DLGAP2: variants seen among roughly 807,000 people sequenced by gnomAD.
DLGAP2 encodes disks large-associated protein 2.
Under a neutral mutation model 100.3 loss-of-function variants are expected in DLGAP2, and 26 were observed. The ratio of observed to expected loss-of-function variants is 0.26; its 90% CI spans 0.19 to 0.36. The LOEUF (loss-of-function observed/expected upper bound fraction) is 0.36. DLGAP2 is among the 10% of genes least tolerant of loss of function. DLGAP2 has a pLI of 1.00. For synonymous variants in DLGAP2, 886 were observed against 630.1 expected, an observed-to-expected ratio of 1.41 and a Z score of -6.08; for missense variants, 1,858 against 1,453.2, an observed-to-expected ratio of 1.28 and a Z score of -4.53.
chr8:1,551,562 C>A (rs1801766730), intron 5 of DLGAP2, among the ~76,000 whole-genome samples: 1 of 152,212 alleles, frequency 6.6e-6, no homozygotes, highest in Non-Finnish European at 1.5e-5. Flanking sequence ...TCTCTGCCTC[C>A]AACAGCTATT....
chr8:1,660,998 G>A (rs1211856900), intron 8 of DLGAP2, among the ~76,000 whole-genome samples: 2 of 152,178 alleles, frequency 1.3e-5, no homozygotes, highest in African/African-American at 2.4e-5. Context: ...TCCTGTCTAC[G>A]AGACAGGGAG....
At chr8:814,707 G>C (rs12675064) in intron 1 of DLGAP2, among the ~76,000 whole-genome samples, 1 of 151,458 alleles carries the variant, frequency 6.6e-6, no homozygotes, top group Non-Finnish European at 1.5e-5. Context: ...AAAAAAATTA[G>C]CTGGGCGTGG....
intron 3 of DLGAP2, among the ~76,000 whole-genome samples, chr8:1,337,250 ATGATGG>A: frequency 8.6e-6 from 1 of 116,370 alleles, no homozygotes; most frequent in African/African-American, 3.8e-5. Context: ...AATGATGGTG[ATGATGG>A]TGGTGATGAT....
intron 1 of DLGAP2, among the ~76,000 whole-genome samples, chr8:901,729 G>A (rs576965345): frequency 1.3e-5 from 2 of 152,364 alleles, no homozygotes; most frequent in South Asian, 4.1e-4. Flanking sequence ...GCAGCACGGG[G>A]CGTCCCCATT....
chr8:1,175,955 C>G (rs970161482), intron 2 of DLGAP2, among the ~76,000 whole-genome samples: 2 of 152,204 alleles, frequency 1.3e-5, no homozygotes, highest in African/African-American at 2.4e-5. Flanking sequence ...CAAAGCGATT[C>G]GCAGATGTGG....
At chr8:1,355,277 T>G (rs1801822066) in intron 3 of DLGAP2, among the ~76,000 whole-genome samples, 1 of 152,204 alleles carries the variant, frequency 6.6e-6, no homozygotes, top group African/African-American at 2.4e-5. Context: ...ACCTGTGTGT[T>G]AACAGGCAGT....
At chr8:1,080,289 C>A (rs769672533) in intron 2 of DLGAP2, among the ~76,000 whole-genome samples, 1 of 152,306 alleles carries the variant, frequency 6.6e-6, no homozygotes, top group African/African-American at 2.4e-5. Context: ...CCCCGCCGCC[C>A]GCGTGCTGCT....
At position 1,081,060 on chromosome 8, in the gene DLGAP2, T is replaced by C. The variant is rs191767215; in HGVS notation, c.73+173094T>C. ...TTAAAATAAGATTTTATTGAGGTGA[T>C]GATTATAAAACCTTATTAAATTTGT... is the stretch of plus-strand genomic sequence containing the variant. On this transcript the variant is annotated intron_variant, in intron 2 of 14. Coordinates refer to ENST00000637795, the MANE Select transcript of DLGAP2 (RefSeq NM_001346810.2). 5.3e-5 allele frequency among the ~76,000 whole-genome samples: 8 copies of C among 152,356 alleles called. No individual in the cohort carries two copies. The East Asian group carries it at 1.3e-3, about 26-fold the overall frequency.
At chr8:1,155,817 A>C (rs1033687165) in intron 2 of DLGAP2, among the ~76,000 whole-genome samples, 3 of 152,110 alleles carry the variant, frequency 2.0e-5, no homozygotes, top group African/African-American at 7.2e-5. Flanking sequence ...TCGTGGAATG[A>C]ACACACGATC....
chr8:1,351,974 A>G (rs1468001639), intron 3 of DLGAP2, among the ~76,000 whole-genome samples: 8 of 68,456 alleles, frequency 1.2e-4, no homozygotes, highest in African/African-American at 3.7e-4. Flanking sequence ...GTGTGTGGAA[A>G]CGCCGTGCGG....
intron 2 of DLGAP2, among the ~76,000 whole-genome samples, chr8:1,026,304 C>T (rs538593367): frequency 6.6e-6 from 1 of 152,194 alleles, no homozygotes; most frequent in African/African-American, 2.4e-5. Context: ...CAACGCTTTG[C>T]TCTTCACGTC....
At chr8:1,667,729 T>C (rs1030370161) in intron 8 of DLGAP2, among the ~76,000 whole-genome samples, 3 of 152,186 alleles carry the variant, frequency 2.0e-5, no homozygotes, top group African/African-American at 7.2e-5. Context: ...GACCTATGCA[T>C]AGTTTAGCAT....
intron 2 of DLGAP2, among the ~76,000 whole-genome samples, chr8:1,181,646 A>G (rs1001902646): frequency 1.3e-5 from 2 of 152,160 alleles, no homozygotes; most frequent in African/African-American, 4.8e-5. Flanking sequence ...ACCCAAGTTT[A>G]CTTCTAAAAC....
In DLGAP2 at chr8:832,204, G is replaced by A. The variant is rs1326486326; in HGVS notation, c.19-75708G>A. Among the ~76,000 whole-genome samples, 4 of 152,154 alleles carry A rather than the reference G, an allele frequency of 2.6e-5. No homozygotes were observed. The East Asian group carries it at 5.8e-4, about 22-fold the overall frequency. On this transcript the variant is annotated intron_variant, in intron 1 of 14. Coordinates refer to ENST00000637795, the MANE Select transcript of DLGAP2 (RefSeq NM_001346810.2). ...TGGTAGTTTCTTTTGCTGTGCAGAA[G>A]TTCTTTAGTTTAATTAGATCCCATT...
In DLGAP2 at chr8:1,468,249, T is replaced by C. The variant is rs190922744; in HGVS notation, c.107-33117T>C. On this transcript the variant is annotated intron_variant, in intron 3 of 14. Coordinates refer to ENST00000637795, the MANE Select transcript of DLGAP2 (RefSeq NM_001346810.2). ...CAGCCTCGGTCGGTTCTGAGAATTG[T>C]GCCCTGTTCACACAGCGTAGATCCG... Among the ~76,000 whole-genome samples, 617 of 147,206 alleles carry C rather than the reference T, an allele frequency of 4.2e-3. 1 individual carries two copies. Among genetic ancestry groups the C allele is most frequent in the Admixed American group, 6.6e-3 (98 of 14,834 alleles).
chr8:804,010 CG>C (rs967678655), intron 1 of DLGAP2, among the ~76,000 whole-genome samples: 5 of 152,024 alleles, frequency 3.3e-5, no homozygotes, highest in African/African-American at 7.2e-5. Context: ...GCTGGGTTGG[CG>C]GGGGGTGTGG....
intron 1 of DLGAP2, among the ~76,000 whole-genome samples, chr8:886,333 T>A (rs528942236): frequency 6.6e-6 from 1 of 152,294 alleles, no homozygotes; most frequent in African/African-American, 2.4e-5. Context: ...GCTCCTGGAT[T>A]TGTTGATTTT....
At position 1,465,645 on chromosome 8, in the gene DLGAP2, A is replaced by G. The variant is rs1798607137; in HGVS notation, c.107-35721A>G. 2.6e-5 allele frequency among the ~76,000 whole-genome samples: 4 copies of G among 152,198 alleles called. No homozygotes were observed. In the South Asian group the frequency reaches 8.3e-4, roughly 31 times the overall value. ...CCACAAAAACCCCGATCCCAGTGCT[A>G]GGGCGTTTTGTGGAGACTCCACTGG... is the stretch of plus-strand genomic sequence containing the variant. On this transcript the variant is annotated intron_variant, in intron 3 of 14. Transcript: ENST00000637795.
At chr8:754,594 C>A (rs1329123745) in intron 1 of DLGAP2, among the ~76,000 whole-genome samples, 3 of 152,198 alleles carry the variant, frequency 2.0e-5, no homozygotes, top group Non-Finnish European at 1.5e-5. Context: ...GGGCTTACAC[C>A]TGCAATCCCA....
Sources: gnomAD v4.1 joint callset for allele counts (sites outside exome capture counted in the v4.1 genomes callset) on GRCh38, gnomAD v4.1.1 for gene constraint, MANE v1.5 for transcripts, NCBI Gene and HGNC (gene_info 2026-07-23, HGNC 2026-07-21) for gene names.